The following MEIS2 variants were observed in gnomAD, a reference collection of about 807,000 sequenced individuals.
The protein encoded by MEIS2 is Meis homeobox 2, also known as homeobox protein Meis2.
A neutral mutation model predicts 58.6 loss-of-function variants in MEIS2; 9 were observed. The observed-to-expected ratio is 0.15, with a 90% confidence interval of 0.09 to 0.27. MEIS2 has a LOEUF of 0.27. MEIS2 is among the 10% of genes least tolerant of loss of function. MEIS2 has a pLI of 1.00. For missense variants in MEIS2, 427 were observed against 635.0 expected (o/e 0.67, Z 3.52); for synonymous variants, 221 against 228.4 (o/e 0.97, Z 0.29).
At chr15:37,020,532 C>G (rs901889034) in intron 8 of MEIS2, among the ~76,000 whole-genome samples, 2 of 152,158 alleles carry the variant, frequency 1.3e-5, no homozygotes, top group Non-Finnish European at 2.9e-5. Flanking sequence ...CTGCCTCCAT[C>G]CAGGTGCTTT....
chr15:37,010,422 C>T (rs545617275), intron 8 of MEIS2, among the ~76,000 whole-genome samples: 2 of 148,902 alleles, frequency 1.3e-5, no homozygotes, highest in Middle Eastern at 7.5e-3. Context: ...TCCCTCTGTA[C>T]CCCAGGCTGG....
At chr15:37,030,948 G>T (rs1285787327) in intron 8 of MEIS2, among the ~76,000 whole-genome samples, 1 of 152,144 alleles carries the variant, frequency 6.6e-6, no homozygotes, top group East Asian at 1.9e-4. Flanking sequence ...CCATATTTGG[G>T]ATTTGTTTGG....
At chr15:37,056,558 C>T (rs1221879050) in intron 7 of MEIS2, among the ~76,000 whole-genome samples, 1 of 152,182 alleles carries the variant, frequency 6.6e-6, no homozygotes, top group African/African-American at 2.4e-5. Flanking sequence ...CTCGGCAGCC[C>T]CCGCCAGAAA....
At chr15:37,015,879 A>G (rs1045205410) in intron 8 of MEIS2, among the ~76,000 whole-genome samples, 4 of 152,294 alleles carry the variant, frequency 2.6e-5, no homozygotes, top group East Asian at 1.9e-4. Flanking sequence ...TTTAAAGTAT[A>G]TAGTAGGAGA....
chr15:36,971,537 T>TAAAAAAAAAAAAAAAAAA lies in MEIS2; in HGVS notation c.901-21155_901-21138dup, dbSNP rs71126247. Among the ~76,000 whole-genome samples, 142 of 67,098 alleles carry TAAAAAAAAAAAAAAAAAA rather than the reference T, an allele frequency of 2.1e-3. 2 individuals carry two copies. The highest frequency in any genetic ancestry group is 2.6e-3 in the Non-Finnish European group (99 of 38,798). 44.0% of individuals were successfully genotyped at this position (67,098 alleles called of 152,430 possible). A position where few individuals can be genotyped will look rare whatever the true frequency, so the allele number is the denominator to read the frequency against. On this transcript the variant is annotated intron_variant, in intron 8 of 11. Transcript: ENST00000561208. ...GTATTACTTGTATGCCTTGTTACAT[T>TAAAAAAAAAAAAAAAAAA]AAAAAAAAAAAAAAAAAAAAAAAAA...
At chr15:37,034,938 T>C (rs1447152549) in intron 8 of MEIS2, among the ~76,000 whole-genome samples, 1 of 152,204 alleles carries the variant, frequency 6.6e-6, no homozygotes, top group African/African-American at 2.4e-5. Context: ...GGTCTCTGTT[T>C]CCTCATCTAT....
At chr15:37,093,472 G>A (rs892475973) in intron 6 of MEIS2, 109 bp downstream of exon 6, 21 of 1,306,124 alleles carry the variant, frequency 1.6e-5, no homozygotes, top group African/African-American at 9.0e-5. Flanking sequence ...CAAAAGAGAC[G>A]GAGTCATTTA....
At chr15:36,945,618 G>A (rs1302566130) in intron 9 of MEIS2, among the ~76,000 whole-genome samples, 3 of 151,912 alleles carry the variant, frequency 2.0e-5, no homozygotes, top group Non-Finnish European at 4.4e-5. Flanking sequence ...CATCAATGGG[G>A]CCAAATGGAA....
At chr15:36,925,087 G>A (rs543174106) in intron 9 of MEIS2, among the ~76,000 whole-genome samples, 2 of 152,122 alleles carry the variant, frequency 1.3e-5, no homozygotes, top group African/African-American at 4.8e-5. Flanking sequence ...TATCCCTCAA[G>A]GCTGTCTCCC....
chr15:37,088,359 AAAC>A (rs984159969), intron 6 of MEIS2, among the ~76,000 whole-genome samples: 3 of 152,230 alleles, frequency 2.0e-5, no homozygotes, highest in Non-Finnish European at 4.4e-5. Context: ...CAATATATTT[AAAC>A]AACAAAGGGA....
intron 8 of MEIS2, among the ~76,000 whole-genome samples, chr15:37,000,294 T>C (rs5014239): frequency 0.34 from 51,623 of 151,980 alleles, 10,016 homozygotes; most frequent in Non-Finnish European, 0.44. Flanking sequence ...TCCTTCACTG[T>C]CTGCTTGATG....
chr15:36,958,756 A>T (rs1203261185), intron 8 of MEIS2, among the ~76,000 whole-genome samples: 3 of 152,176 alleles, frequency 2.0e-5, no homozygotes, highest in Non-Finnish European at 2.9e-5. Flanking sequence ...CTGCTTGGCC[A>T]TGCATGTTAT....
rs979266977 is a variant in MEIS2 at position 36,892,101 on chromosome 15, C to T, written c.*72G>A. 2.9e-5 allele frequency: 43 copies of T among 1,496,278 alleles called. No homozygotes were observed. The highest frequency in any genetic ancestry group is 5.3e-5 in the Admixed American group (3 of 56,406). The allele number at this position is 1,496,278 out of a possible 1,614,324, so 92.7% of individuals were successfully genotyped here. A position where few individuals can be genotyped will look rare whatever the true frequency, so the allele number is the denominator to read the frequency against. On this transcript the variant is annotated 3_prime_UTR_variant, in exon 12 of 12. Transcript: ENST00000561208. ...TCTGGAATTTCATATTAAGTGTCAA[C>T]ATCTGGTCAAAGTTCAGAAAGTCTT...
At chr15:36,977,288 C>A (rs988418818) in intron 8 of MEIS2, among the ~76,000 whole-genome samples, 2 of 152,024 alleles carry the variant, frequency 1.3e-5, no homozygotes, top group Non-Finnish European at 2.9e-5. Flanking sequence ...CTTCTCATAG[C>A]ATCAATATTA....
chr15:37,094,742 A>G (rs1269747958), intron 4 of MEIS2, among the ~76,000 whole-genome samples, 165 bp from the exon 5 acceptor site: 3 of 152,020 alleles, frequency 2.0e-5, no homozygotes, highest in Non-Finnish European at 4.4e-5. Context: ...AGAAAAATCA[A>G]GTGATTACTG....
In MEIS2 at chr15:37,099,747, C is replaced by CCCTTTTTTAGCTTTGCCCCCGCGGTA. The variant is rs1894876750; in HGVS notation, c.-282_-281insTACCGCGGGGGCAAAGCTAAAAAAGG. 2.6e-6 allele frequency: 1 copy of CCCTTTTTTAGCTTTGCCCCCGCGGTA among 385,834 alleles called. No individual in the cohort carries two copies. The highest frequency in any genetic ancestry group is 2.1e-5 in the African/African-American group (1 of 47,830). The allele number at this position is 385,834 out of a possible 1,614,324, so 23.9% of individuals were successfully genotyped here. The stretch of plus-strand genomic sequence containing the variant: ...CCACCTCCTCCTCCTCCCCCCTCCC[C>CCCTTTTTTAGCTTTGCCCCCGCGGTA]TCCTCCTCCTCTTCGGTCCTCCTTT... On this transcript the variant is annotated 5_prime_UTR_variant, in exon 1 of 12. Transcript: ENST00000561208.
chr15:37,000,825 T>A (rs2060696382), intron 8 of MEIS2, among the ~76,000 whole-genome samples: 1 of 152,164 alleles, frequency 6.6e-6, no homozygotes, highest in African/African-American at 2.4e-5. Context: ...ACAAGCAACT[T>A]TTCTCAGCTC....
At chr15:37,079,506 T>C (rs1891912203) in intron 7 of MEIS2, among the ~76,000 whole-genome samples, 1 of 150,104 alleles carries the variant, frequency 6.7e-6, no homozygotes, top group Non-Finnish European at 1.5e-5. Context: ...TGAAGCCCCC[T>C]CCTCCTCTTT....
intron 8 of MEIS2, among the ~76,000 whole-genome samples, chr15:36,952,799 C>T (rs1010450752): frequency 2.6e-5 from 4 of 152,050 alleles, no homozygotes; most frequent in Admixed American, 2.6e-4. Flanking sequence ...AACAATAATT[C>T]TTTCCAGTGT....
Sources: gnomAD v4.1 joint callset for allele counts (sites outside exome capture counted in the v4.1 genomes callset) on GRCh38, gnomAD v4.1.1 for gene constraint, MANE v1.5 for transcripts, NCBI Gene and HGNC (gene_info 2026-07-23, HGNC 2026-07-21) for gene names.